Variants in UNC13C observed in about 807,000 individuals in gnomAD.
The protein encoded by UNC13C is protein unc-13 homolog C.
A neutral mutation model predicts 245.4 loss-of-function variants in UNC13C; 174 were observed. The observed-to-expected ratio is 0.71, with a 90% CI of 0.63 to 0.80. The LOEUF (loss-of-function observed/expected upper bound fraction) is 0.80. Among genes scored for constraint, UNC13C ranks in the 30% least tolerant of loss-of-function variants. UNC13C has a pLI of 0.00. For missense variants in UNC13C, 2,829 were observed against 2,602.9 expected (o/e 1.09, Z -1.89); for synonymous variants, 992 against 895.1 (o/e 1.11, Z -1.93).
At chr15:54,302,073 C>T (rs1018239316) in intron 13 of UNC13C, among the ~76,000 whole-genome samples, 1 of 152,116 alleles carries the variant, frequency 6.6e-6, no homozygotes, top group Non-Finnish European at 1.5e-5. Context: ...TGTTTCTTGG[C>T]TGCCTAAAGG....
chr15:54,051,482 A>T (rs936161604), intron 2 of UNC13C, among the ~76,000 whole-genome samples: 2 of 151,926 alleles, frequency 1.3e-5, no homozygotes, highest in South Asian at 4.1e-4. Context: ...TAGTCTCTCT[A>T]TTCAATGTAC....
chr15:53,849,021 T>C, the UNC13C span, among the ~76,000 whole-genome samples: 25 of 151,868 alleles, frequency 1.6e-4, no homozygotes, highest in Non-Finnish European at 2.9e-4. Context: ...CATTTTTATA[T>C]TTAAAGTGAA....
intron 19 of UNC13C, among the ~76,000 whole-genome samples, chr15:54,433,644 G>C (rs941122988): frequency 6.6e-6 from 1 of 151,904 alleles, no homozygotes; most frequent in Non-Finnish European, 1.5e-5. Context: ...ATGGGCAAAA[G>C]CTGAAAACAT....
chr15:54,226,958 C>T (rs954515333), intron 4 of UNC13C, among the ~76,000 whole-genome samples: 29 of 152,058 alleles, frequency 1.9e-4, no homozygotes, highest in African/African-American at 4.8e-4. Context: ...TTACCCACAG[C>T]GTGGCAAGCA....
chr15:54,461,947 C>T (rs1337691472), intron 19 of UNC13C, among the ~76,000 whole-genome samples: 5 of 152,170 alleles, frequency 3.3e-5, no homozygotes, highest in East Asian at 1.9e-4. Flanking sequence ...GCAGAGATCA[C>T]TGTCAGTACT....
intron 4 of UNC13C, among the ~76,000 whole-genome samples, chr15:54,175,637 C>A (rs200304486): frequency 6.6e-6 from 1 of 151,756 alleles, no homozygotes; most frequent in African/African-American, 2.4e-5. Flanking sequence ...CTCAGCCTCC[C>A]GAGTAGCTGG....
intron 2 of UNC13C, among the ~76,000 whole-genome samples, chr15:54,103,213 G>C (rs894277997): frequency 2.6e-5 from 4 of 152,074 alleles, no homozygotes; most frequent in African/African-American, 9.7e-5. Flanking sequence ...ACATACACAT[G>C]CTCTCTTACA....
At chr15:54,399,005 G>A (rs2040126475) in intron 18 of UNC13C, among the ~76,000 whole-genome samples, 1 of 151,286 alleles carries the variant, frequency 6.6e-6, no homozygotes, top group African/African-American at 2.4e-5. Context: ...ATCTTAAATG[G>A]TTATAGCAGT....
intron 10 of UNC13C, among the ~76,000 whole-genome samples, chr15:54,291,861 T>C (rs1253140859): frequency 1.3e-5 from 2 of 151,938 alleles, no homozygotes; most frequent in Admixed American, 6.6e-5. Context: ...GAAAAATCAG[T>C]ATAATGTTCC....
intron 8 of UNC13C, among the ~76,000 whole-genome samples, chr15:54,250,749 CTTTTTTTTTTTTTT>C (rs1296024773): frequency 1.1e-5 from 1 of 88,868 alleles, no homozygotes; most frequent in Admixed American, 1.5e-4. Flanking sequence ...TTCTTTCTTT[CTTTTTTTTTTTTTT>C]TTTTTTTTTT....
At chr15:54,564,833 A>T (rs1434240192) in intron 29 of UNC13C, among the ~76,000 whole-genome samples, 1 of 152,038 alleles carries the variant, frequency 6.6e-6, no homozygotes, top group African/African-American at 2.4e-5. Flanking sequence ...CTTAACTTCC[A>T]TAGGCCCTCT....
At chr15:54,505,906 A>C (rs887194977) in intron 22 of UNC13C, among the ~76,000 whole-genome samples, 7 of 152,120 alleles carry the variant, frequency 4.6e-5, no homozygotes, top group African/African-American at 1.7e-4. Flanking sequence ...GTCTCTAAGC[A>C]TAAATTCAAG....
intron 14 of UNC13C, among the ~76,000 whole-genome samples, chr15:54,327,148 G>T (rs867930383): frequency 6.6e-6 from 1 of 151,914 alleles, no homozygotes; most frequent in African/African-American, 2.4e-5. Context: ...TTTTGAAGGT[G>T]TCTTTAGGAA....
At chr15:53,932,266 ACCACAGCACT>A in the UNC13C span, among the ~76,000 whole-genome samples, 2 of 151,974 alleles carry the variant, frequency 1.3e-5, no homozygotes, top group Non-Finnish European at 2.9e-5. Flanking sequence ...CCGAGATTTC[ACCACAGCACT>A]CCAGCCTGGC....
intron 2 of UNC13C, among the ~76,000 whole-genome samples, chr15:54,042,006 G>T (rs1425312904): frequency 6.6e-6 from 1 of 152,058 alleles, no homozygotes; most frequent in African/African-American, 2.4e-5. Flanking sequence ...GGCATTCCAG[G>T]TTGAGCATTC....
chr15:54,557,020 C>A (rs1183578048), intron 29 of UNC13C, among the ~76,000 whole-genome samples: 2 of 152,104 alleles, frequency 1.3e-5, no homozygotes, highest in South Asian at 2.1e-4. Context: ...AATGTTGATC[C>A]TCAAGCAAAT....
At chr15:53,874,555 G>A in the UNC13C span, among the ~76,000 whole-genome samples, 2 of 152,156 alleles carry the variant, frequency 1.3e-5, no homozygotes, top group South Asian at 4.1e-4. Flanking sequence ...ATGCGGGTGA[G>A]AGATCCTTTA....
chr15:54,375,783 C>T (rs996591071), intron 17 of UNC13C, among the ~76,000 whole-genome samples: 34 of 152,178 alleles, frequency 2.2e-4, no homozygotes, highest in Admixed American at 5.2e-4. Flanking sequence ...GAAACACCAC[C>T]GCCAGCCAAT....
intron 2 of UNC13C, among the ~76,000 whole-genome samples, chr15:54,061,672 C>G (rs1226129948): frequency 6.6e-6 from 1 of 152,124 alleles, no homozygotes; most frequent in Non-Finnish European, 1.5e-5. Context: ...GTGAGTTTCT[C>G]AACATGGTGC....
Sources: gnomAD v4.1 joint callset for allele counts (sites outside exome capture counted in the v4.1 genomes callset) on GRCh38, gnomAD v4.1.1 for gene constraint, MANE v1.5 for transcripts, NCBI Gene and HGNC (gene_info 2026-07-23, HGNC 2026-07-21) for gene names.